AOAH: variants seen among roughly 807,000 people sequenced by gnomAD.
The protein encoded by AOAH is acyloxyacyl hydrolase.
Under a neutral mutation model 92.2 loss-of-function variants are expected in AOAH, and 64 were observed. The ratio of observed to expected loss-of-function variants is 0.69; its 90% CI spans 0.57 to 0.86. AOAH has a LOEUF of 0.86. Ranked by LOEUF, AOAH falls within the 40% of genes least tolerant of loss-of-function variation. AOAH has a pLI of 0.00. For missense variants in AOAH, 656 were observed against 694.6 expected (o/e 0.94, Z 0.62); for synonymous variants, 263 against 254.5 (o/e 1.03, Z -0.32).
chr7:36,595,854 T>C (rs2727810), intron 11 of AOAH, among the ~76,000 whole-genome samples: 69,430 of 152,092 alleles, frequency 0.46, 17,964 homozygotes, highest in African/African-American at 0.7. Flanking sequence ...TTCGGGTAAA[T>C]GTGAAAACCT....
intron 1 of AOAH, among the ~76,000 whole-genome samples, chr7:36,693,280 T>C: frequency 6.6e-6 from 1 of 152,228 alleles, no homozygotes; most frequent in East Asian, 1.9e-4. Context: ...TTACAAAAGA[T>C]ATAAATTTGG....
intron 4 of AOAH, among the ~76,000 whole-genome samples, chr7:36,640,823 G>C (rs550191703): frequency 2.0e-5 from 3 of 152,218 alleles, no homozygotes; most frequent in Admixed American, 6.5e-5. Context: ...ATCACCCAAG[G>C]CTAGAGAAGG....
chr7:36,526,727 G>C (rs1784412692), intron 19 of AOAH, among the ~76,000 whole-genome samples: 1 of 152,206 alleles, frequency 6.6e-6, no homozygotes, highest in Admixed American at 6.5e-5. Context: ...TAAAGTCAAA[G>C]AAGCTGCTAA....
At chr7:36,610,741 A>G (rs1791397355) in intron 11 of AOAH, among the ~76,000 whole-genome samples, 1 of 152,140 alleles carries the variant, frequency 6.6e-6, no homozygotes, top group African/African-American at 2.4e-5. Flanking sequence ...TCCTTCCCCA[A>G]TATCTTGATT....
At position 36,540,469 on chromosome 7, in the gene AOAH, TG is replaced by T; in HGVS notation, c.1155del (p.Met386Ter). 1 of 1,612,606 alleles carries T rather than the reference TG, an allele frequency of 6.2e-7. No homozygotes were observed. The highest frequency in any genetic ancestry group is 8.5e-7 in the Non-Finnish European group (1 of 1,179,282). On this transcript the variant is annotated frameshift_variant, in exon 16 of 21. Transcript: ENST00000617537. LOFTEE classifies it high-confidence loss of function. ...VCSGKSDPVP[A>X]MTTPEKLYSN... ...GAGTAGAGTTTCTCAGGAGTGGTCA[TG>T]GCTGGGACTGGGTCACTCTTCCTGT...
intron 1 of AOAH, among the ~76,000 whole-genome samples, chr7:36,697,456 G>A (rs1797791612): frequency 6.6e-6 from 1 of 152,126 alleles, no homozygotes; most frequent in African/African-American, 2.4e-5. Flanking sequence ...ATTTTGTTAA[G>A]GGTTTTTGCA....
chr7:36,526,269 T>C (rs73687537), intron 19 of AOAH, among the ~76,000 whole-genome samples: 3,552 of 152,222 alleles, frequency 0.023, 148 homozygotes, highest in African/African-American at 0.082. Context: ...ATCATTTTTT[T>C]CCCCCATATG....
At chr7:36,532,524 A>T (rs532225277) in intron 16 of AOAH, among the ~76,000 whole-genome samples, 180 bp from the exon 17 acceptor site, 6 of 152,292 alleles carry the variant, frequency 3.9e-5, no homozygotes, top group East Asian at 1.9e-4. Flanking sequence ...AGCCTCTAGA[A>T]ATTCAGACCC....
intron 19 of AOAH, among the ~76,000 whole-genome samples, chr7:36,523,262 T>C (rs115747305): frequency 0.01 from 1,529 of 152,354 alleles, 38 homozygotes; most frequent in African/African-American, 0.035. Context: ...TGGGTTTTAC[T>C]AGAGGCTGTT....
chr7:36,577,075 GTCCTTCAGCTTTAT>G (rs1788567120), intron 12 of AOAH, among the ~76,000 whole-genome samples: 1 of 111,768 alleles, frequency 8.9e-6, no homozygotes, highest in East Asian at 2.7e-4. Context: ...CACTATTATT[GTCCTTCAGCTTTAT>G]TCTCCCTTCA....
chr7:36,709,335 T>G (rs1218877164), intron 1 of AOAH, among the ~76,000 whole-genome samples: 2 of 152,134 alleles, frequency 1.3e-5, no homozygotes, highest in African/African-American at 4.8e-5. Context: ...AAAACTACTG[T>G]TCTCACTAAC....
In AOAH at chr7:36,519,226, G is replaced by A. The variant is rs569108617; in HGVS notation, c.1599+2813C>T. The stretch of plus-strand genomic sequence containing the variant: ...TCCATGATCTGGTTCCTTAATACGC[G>A]GTAGATTTCTCCGTCTGTCAACTCC... On this transcript the variant is annotated intron_variant, in intron 20 of 20. Coordinates refer to ENST00000617537, the MANE Select transcript of AOAH (RefSeq NM_001637.4). 2.0e-5 allele frequency among the ~76,000 whole-genome samples: 3 copies of A among 152,232 alleles called. No individual in the cohort carries two copies. In the South Asian group the frequency reaches 6.2e-4, roughly 32 times the overall value.
In AOAH at chr7:36,632,022, A is replaced by T. The variant is rs1793144924; in HGVS notation, c.521+14T>A. 1.2e-6 allele frequency: 2 copies of T among 1,602,476 alleles called. No homozygotes were observed. The highest frequency in any genetic ancestry group is 1.7e-6 in the Non-Finnish European group (2 of 1,172,634). Reference sequence around the variant, plus strand: ...ACATGCTAGTGCTCAGGAAGGTAGAAATTGTATACATACAATTTAATTTTC... The same window carrying T: ...ACATGCTAGTGCTCAGGAAGGTAGATATTGTATACATACAATTTAATTTTC... On this transcript the variant is annotated intron_variant, in intron 6 of 20. Coordinates refer to ENST00000617537, the MANE Select transcript of AOAH (RefSeq NM_001637.4).
chr7:36,663,235 G>A (rs968944327), intron 3 of AOAH, among the ~76,000 whole-genome samples: 11 of 152,200 alleles, frequency 7.2e-5, no homozygotes, highest in South Asian at 2.1e-4. Flanking sequence ...CTCCTGCCCC[G>A]ACACATGCAC....
At chr7:36,593,062 A>G (rs1789859956) in intron 12 of AOAH, among the ~76,000 whole-genome samples, 1 of 152,168 alleles carries the variant, frequency 6.6e-6, no homozygotes, top group Non-Finnish European at 1.5e-5. Flanking sequence ...CACCCAAAGG[A>G]AGTGACTGTT....
chr7:36,570,614 A>T (rs1211571870), intron 13 of AOAH, among the ~76,000 whole-genome samples: 1 of 152,132 alleles, frequency 6.6e-6, no homozygotes, highest in African/African-American at 2.4e-5. Flanking sequence ...TTGCCTTTCC[A>T]CCAACAGTGC....
At chr7:36,610,965 C>T (rs182793870) in intron 11 of AOAH, among the ~76,000 whole-genome samples, 1 of 152,182 alleles carries the variant, frequency 6.6e-6, no homozygotes, top group Admixed American at 6.5e-5. Flanking sequence ...CAGACCACCC[C>T]GGACGCACGG....
intron 16 of AOAH, among the ~76,000 whole-genome samples, chr7:36,536,671 G>T (rs893822518): frequency 2.6e-5 from 4 of 152,094 alleles, no homozygotes; most frequent in African/African-American, 9.7e-5. Context: ...CTTCTCAGCT[G>T]GGAACGGTGG....
rs372013469 is a variant in AOAH, at chr7:36,616,474, C to A, written c.752G>T (p.Gly251Val). The A allele has an allele frequency of 3.1e-6, 5 of 1,613,372 alleles. No homozygotes were observed. Among genetic ancestry groups the A allele is most frequent in the Non-Finnish European group, 4.2e-6 (5 of 1,179,510 alleles). The change falls in exon 11 of 21, where the codon GGT becomes GTT. Residue 251 changes from glycine (G) to valine (V), a missense_variant and splice_region_variant. By Grantham distance (109) the Gly-to-Val change is moderately radical. Transcript: ENST00000617537. Reference sequence around the variant, plus strand: ...CAAAATGATTCCCCTGGGCTGTGAACCTAGGCAGCACAATTTATTCACATT... The same window carrying A: ...CAAAATGATTCCCCTGGGCTGTGAAACTAGGCAGCACAATTTATTCACATT... ...GVPYEKKFCE[G>V]SQPRGIILLG...
Sources: allele counts gnomAD v4.1 joint callset (sites outside exome capture counted in the v4.1 genomes callset), GRCh38; gene constraint gnomAD v4.1.1; transcripts MANE v1.5; gene names NCBI Gene and HGNC (gene_info 2026-07-23, HGNC 2026-07-21).